RAP1GAP2: variants seen among roughly 807,000 people sequenced by gnomAD.
RAP1GAP2 encodes RAP1 GTPase activating protein 2, also known as rap1 GTPase-activating protein 2.
In RAP1GAP2, 27 loss-of-function variants were observed where a neutral mutation model predicts 95.0. That is an observed-to-expected ratio of 0.28 (90% confidence interval 0.21 to 0.39). The LOEUF is 0.39. RAP1GAP2 is among the 10% of genes least tolerant of loss of function. The pLI is 1.00. For missense variants in RAP1GAP2, 771 were observed against 970.0 expected (o/e 0.79, Z 2.72); for synonymous variants, 373 against 380.9 (o/e 0.98, Z 0.24).
Position 2,904,445 on chromosome 17 carries a change from C to T in RAP1GAP2, c.81-839C>T, listed in dbSNP as rs1477887937. Among the ~76,000 whole-genome samples the T allele has an allele frequency of 2.0e-5, 3 of 152,126 alleles. No homozygotes were observed. The highest frequency in any genetic ancestry group is 2.9e-5 in the Non-Finnish European group (2 of 68,032). ...TCTGTTTAGCTGCCTCTCTACCGTC[C>T]TAGCCCACATGGACTAAGTTAAGTT... On this transcript the variant is annotated intron_variant, in intron 2 of 24. Transcript: ENST00000254695. This position sits in a 1 kb window ranked among gnomAD's most constrained non-coding sequence, Gnocchi z 4.7.
intron 3 of RAP1GAP2, among the ~76,000 whole-genome samples, chr17:2,913,099 G>A (rs1042228231): frequency 1.3e-5 from 2 of 152,098 alleles, no homozygotes; most frequent in African/African-American, 2.4e-5. Context: ...GATGGATTGA[G>A]CCCAGGAGAT....
At chr17:2,868,922 C>A (rs1338797148) in intron 2 of RAP1GAP2, among the ~76,000 whole-genome samples, 1 of 152,158 alleles carries the variant, frequency 6.6e-6, no homozygotes, top group Non-Finnish European at 1.5e-5. Context: ...TCTCCCACTT[C>A]TGGAAGCTGG....
chr17:2,822,684 C>A (rs1855061602), intron 2 of RAP1GAP2, among the ~76,000 whole-genome samples: 1 of 130,546 alleles, frequency 7.7e-6, no homozygotes, highest in South Asian at 2.5e-4. Flanking sequence ...AATCCCAGCA[C>A]TTTTTTTTTT....
intron 3 of RAP1GAP2, among the ~76,000 whole-genome samples, chr17:2,942,223 G>A (rs1048991513): frequency 2.6e-5 from 4 of 152,104 alleles, no homozygotes; most frequent in South Asian, 2.1e-4. Flanking sequence ...CGTGTGAGGC[G>A]TATGGAAAGT....
Position 2,963,375 on chromosome 17 carries a change from A to G in RAP1GAP2, c.247-55A>G. Reference sequence around the variant, plus strand: ...CTTGCAAGACCTGGAAACAGTGGTCAGACTTTACGGGCACTGCCGGGACTA... The same window carrying G: ...CTTGCAAGACCTGGAAACAGTGGTCGGACTTTACGGGCACTGCCGGGACTA... On this transcript the variant is annotated intron_variant, in intron 5 of 24. Transcript: ENST00000254695. This position sits in a 1 kb window ranked among gnomAD's most constrained non-coding sequence, Gnocchi z 4.8. The G allele has an allele frequency of 1.2e-6, 2 of 1,605,488 alleles. No homozygotes were observed. The highest frequency in any genetic ancestry group is 2.2e-5 in the South Asian group (2 of 90,960).
chr17:2,800,103 A>C lies in RAP1GAP2; in HGVS notation c.45-412A>C, dbSNP rs994925134. 8 of 748,096 alleles carry C rather than the reference A, an allele frequency of 1.1e-5. No individual in the cohort carries two copies. The African/African-American group carries it at 1.5e-4, about 14-fold the overall frequency. 46.3% of individuals were successfully genotyped at this position (748,096 alleles called of 1,614,324 possible). A position where few individuals can be genotyped will look rare whatever the true frequency, so the allele number is the denominator to read the frequency against. On this transcript the variant is annotated intron_variant, in intron 1 of 24. Transcript: ENST00000254695. ...TGGGAAATATGGATGTCCACCTGGC[A>C]TTCAGATTGACATCCGTGCTGACCC...
chr17:2,895,603 G>T (rs936596629), intron 2 of RAP1GAP2, among the ~76,000 whole-genome samples: 2 of 152,012 alleles, frequency 1.3e-5, no homozygotes, highest in Non-Finnish European at 2.9e-5. Context: ...TTGAGACGGG[G>T]TCTTGCTCTG....
chr17:3,027,039 C>T lies in RAP1GAP2; in HGVS notation c.2076C>T (p.Ala692=), dbSNP rs1319773531. The T allele has an allele frequency of 3.2e-6, 5 of 1,577,152 alleles. No homozygotes were observed. In the East Asian group the frequency reaches 1.2e-4, roughly 37 times the overall value. ...SSESPSLGAA[A]TPIIMSRSPT... Reference sequence around the variant, plus strand: ...AGAGCCCCAGCCTGGGGGCAGCTGCCACCCCGATCATCATGAGCCGGAGTC... The same window carrying T: ...AGAGCCCCAGCCTGGGGGCAGCTGCTACCCCGATCATCATGAGCCGGAGTC... The change falls in exon 22 of 25, where the codon GCC becomes GCT. Residue 692 remains alanine, a synonymous_variant. Coordinates refer to ENST00000254695, the MANE Select transcript of RAP1GAP2 (RefSeq NM_015085.5). This position sits in a 1 kb window ranked among gnomAD's most constrained non-coding sequence, Gnocchi z 5.2.
chr17:2,815,519 T>A (rs2151507406), intron 2 of RAP1GAP2, among the ~76,000 whole-genome samples: 1 of 150,984 alleles, frequency 6.6e-6, no homozygotes, highest in Non-Finnish European at 1.5e-5. Flanking sequence ...TCTCGCTTTG[T>A]CACCCAGGCT....
chr17:2,981,852 A>G (rs4790403), intron 10 of RAP1GAP2, among the ~76,000 whole-genome samples: 36,941 of 152,186 alleles, frequency 0.24, 4,830 homozygotes, highest in African/African-American at 0.35. Flanking sequence ...ATTATGGCAC[A>G]AGAGGACTGA....
chr17:3,018,546 C>T (rs1341087045), intron 18 of RAP1GAP2, among the ~76,000 whole-genome samples: 1 of 152,134 alleles, frequency 6.6e-6, no homozygotes, highest in Non-Finnish European at 1.5e-5. Flanking sequence ...GGACCCATGA[C>T]TGTGAGAGGG....
chr17:2,773,864 T>C (rs1221246783), upstream of RAP1GAP2, among the ~76,000 whole-genome samples: 1 of 151,918 alleles, frequency 6.6e-6, no homozygotes, highest in Non-Finnish European at 1.5e-5. Flanking sequence ...TTTAAGCAAT[T>C]CTCCTGCCTC....
chr17:2,795,178 TTTC>T (rs751626924), upstream of RAP1GAP2, among the ~76,000 whole-genome samples: 46 of 151,526 alleles, frequency 3.0e-4, no homozygotes, highest in African/African-American at 9.7e-4. Context: ...ACACCCGGCC[TTTC>T]TTCTTCTTCT....
chr17:2,802,309 C>A (rs2069335298), intron 2 of RAP1GAP2, among the ~76,000 whole-genome samples: 1 of 152,144 alleles, frequency 6.6e-6, no homozygotes, highest in Non-Finnish European at 1.5e-5. Flanking sequence ...AAGAGGTTTC[C>A]CACTTTGGTT....
intron 3 of RAP1GAP2, among the ~76,000 whole-genome samples, chr17:2,944,319 TAA>T (rs1567806468): frequency 1.3e-5 from 2 of 152,164 alleles, no homozygotes; most frequent in African/African-American, 4.8e-5. Flanking sequence ...TTAAAAACAT[TAA>T]AAAGAGAACT....
chr17:2,790,173 C>T (rs911966150), intron 1 of RAP1GAP2, among the ~76,000 whole-genome samples: 9 of 152,014 alleles, frequency 5.9e-5, no homozygotes, highest in Non-Finnish European at 1.2e-4. Context: ...AGTGCAGCGG[C>T]ATGATCTCAG....
rs551027177 is a variant in RAP1GAP2, at chr17:2,957,001, G to A, written c.166-758G>A. Among the ~76,000 whole-genome samples the A allele has an allele frequency of 7.2e-5, 11 of 152,092 alleles. No homozygotes were observed. In the South Asian group the frequency reaches 1.9e-3, roughly 26 times the overall value. ...AAATTAGCCGGGCACGATGGCGGGC[G>A]CCTGTAGTTCCAGCTACTCGGGAGG... On this transcript the variant is annotated intron_variant, in intron 3 of 24. Transcript: ENST00000254695.
chr17:2,944,404 C>A (rs569316410), intron 3 of RAP1GAP2, among the ~76,000 whole-genome samples: 1 of 152,294 alleles, frequency 6.6e-6, no homozygotes, highest in African/African-American at 2.4e-5. Flanking sequence ...TATTCTTTCC[C>A]TAGGATTGGT....
chr17:2,800,223 A>T, intron 1 of RAP1GAP2: 4 of 985,324 alleles, frequency 4.1e-6, no homozygotes, highest in Non-Finnish European at 4.8e-6. Context: ...CTGACGTGAG[A>T]TACCTGAATT....
Sources: allele counts gnomAD v4.1 joint callset (sites outside exome capture counted in the v4.1 genomes callset), GRCh38; gene constraint gnomAD v4.1.1; non-coding constraint Gnocchi (gnomAD v3.1); transcripts MANE v1.5; gene names NCBI Gene and HGNC (gene_info 2026-07-23, HGNC 2026-07-21).